Variants in TNKS observed in about 807,000 individuals in gnomAD.
TNKS encodes the protein poly [ADP-ribose] polymerase tankyrase-1.
A neutral mutation model predicts 135.8 loss-of-function variants in TNKS; 72 were observed. That is an observed-to-expected ratio of 0.53 (90% CI 0.44 to 0.64). The LOEUF (loss-of-function observed/expected upper bound fraction) is 0.64. Ranked by LOEUF, TNKS falls within the 30% of genes least tolerant of loss-of-function variation. The pLI is 0.00. For synonymous variants in TNKS, 849 were observed against 649.3 expected (o/e 1.31, Z -4.68); for missense variants, 1,769 against 1,674.0 (o/e 1.06, Z -0.99).
At chr8:9,711,371 G>A (rs2128809539) in intron 11 of TNKS, among the ~76,000 whole-genome samples, 1 of 152,270 alleles carries the variant, frequency 6.6e-6, no homozygotes, top group South Asian at 2.1e-4. Flanking sequence ...TCACTTGTTT[G>A]TTCCCTTTCA....
chr8:9,659,572 A>T (rs1394089793), intron 3 of TNKS, among the ~76,000 whole-genome samples: 1 of 152,178 alleles, frequency 6.6e-6, no homozygotes, highest in Non-Finnish European at 1.5e-5. Context: ...AATCTCTGGG[A>T]CACACTCAAA....
At chr8:9,653,754 C>T (rs544399210) in intron 3 of TNKS, among the ~76,000 whole-genome samples, 3 of 152,140 alleles carry the variant, frequency 2.0e-5, no homozygotes, top group Non-Finnish European at 2.9e-5. Flanking sequence ...AAACCACATC[C>T]AGCCCATAAC....
Position 9,735,361 on chromosome 8 carries a change from T to C in TNKS, c.2534-16T>C. The C allele has an allele frequency of 1.2e-6, 2 of 1,608,392 alleles. No individual in the cohort carries two copies. Among genetic ancestry groups the C allele is most frequent in the South Asian group, 2.2e-5 (2 of 90,720 alleles). The stretch of plus-strand genomic sequence containing the variant: ...TTAAGCTGACACGTTTCCTGTATTT[T>C]TTTTACTCTAAATAGCAGGCTATAA... On this transcript the variant is annotated splice_polypyrimidine_tract_variant and intron_variant, in intron 16 of 26. Transcript: ENST00000310430.
chr8:9,559,864 A>G (rs1444863639), intron 1 of TNKS, among the ~76,000 whole-genome samples: 2 of 152,198 alleles, frequency 1.3e-5, no homozygotes. Flanking sequence ...TGTTTAGAAT[A>G]TGGTTTAGAG....
chr8:9,583,589 A>G (rs549257254), intron 2 of TNKS, among the ~76,000 whole-genome samples: 10 of 151,936 alleles, frequency 6.6e-5, no homozygotes, highest in Non-Finnish European at 1.0e-4. Flanking sequence ...CCTGGGTTCA[A>G]GTGATTCTCC....
At chr8:9,598,347 A>G (rs559931613) in intron 2 of TNKS, among the ~76,000 whole-genome samples, 13 of 152,292 alleles carry the variant, frequency 8.5e-5, no homozygotes, top group Middle Eastern at 3.4e-3. Flanking sequence ...GCGCCCGGCC[A>G]GTAATGATAT....
chr8:9,583,257 A>G (rs913369823), intron 2 of TNKS, among the ~76,000 whole-genome samples: 3 of 152,124 alleles, frequency 2.0e-5, no homozygotes, highest in African/African-American at 7.2e-5. Context: ...AGAAAATTCA[A>G]ACTGAGATTA....
At chr8:9,658,476 G>C in intron 3 of TNKS, 1 of 678,614 alleles carries the variant, frequency 1.5e-6, no homozygotes, top group Non-Finnish European at 2.3e-6. Flanking sequence ...TTCATATCCA[G>C]CCAAACTAAG....
In TNKS at chr8:9,780,491, A is replaced by T. The variant is rs1028932564; in HGVS notation, c.*3755A>T. 10 of 152,246 alleles carry T rather than the reference A, an allele frequency of 6.6e-5. No homozygotes were observed. In the East Asian group the frequency reaches 1.9e-3, roughly 29 times the overall value. The allele number at this position is 152,246 out of a possible 1,614,324, so 9.4% of individuals were successfully genotyped here. A position where few individuals can be genotyped will look rare whatever the true frequency, so the allele number is the denominator to read the frequency against. On this transcript the variant is annotated 3_prime_UTR_variant, in exon 27 of 27. Transcript: ENST00000310430. ...TAATGTCAGATCAGTGACAGAAGTG[A>T]AAAGAAAGTAATTGTGAAAGTGATG... is the stretch of plus-strand genomic sequence containing the variant.
At chr8:9,585,282 A>T (rs1456661187) in intron 2 of TNKS, among the ~76,000 whole-genome samples, 1 of 152,186 alleles carries the variant, frequency 6.6e-6, no homozygotes, top group Non-Finnish European at 1.5e-5. Flanking sequence ...CATGACGAAA[A>T]AGGTAAATAA....
At chr8:9,752,741 GC>G in intron 20 of TNKS, 115 bp downstream of exon 20, 1 of 651,570 alleles carries the variant, frequency 1.5e-6, no homozygotes, top group Non-Finnish European at 2.4e-6. Context: ...GATTGCTTGA[GC>G]CCAGGAGTTT....
intron 5 of TNKS, among the ~76,000 whole-genome samples, chr8:9,697,963 C>A (rs545185766): frequency 3.3e-4 from 50 of 152,018 alleles, no homozygotes; most frequent in Non-Finnish European, 6.5e-4. Flanking sequence ...ATGTTCATTG[C>A]CATGCCATTC....
At chr8:9,590,143 G>C (rs1445355318) in intron 2 of TNKS, among the ~76,000 whole-genome samples, 1 of 152,088 alleles carries the variant, frequency 6.6e-6, no homozygotes, top group African/African-American at 2.4e-5. Context: ...CATAATTCCA[G>C]GTGTACTTAA....
intron 20 of TNKS, 65 bp from the exon 21 acceptor site, chr8:9,761,451 G>A: frequency 1.9e-6 from 3 of 1,550,870 alleles, no homozygotes; most frequent in Non-Finnish European, 2.6e-6. Context: ...GAAGGCAATT[G>A]GAAAAGCTTT....
In TNKS at chr8:9,766,431, C is replaced by T; in HGVS notation, c.3740+6C>T. 6.5e-7 allele frequency: 1 copy of T among 1,544,224 alleles called. No individual in the cohort carries two copies. Among genetic ancestry groups the T allele is most frequent in the South Asian group, 1.3e-5 (1 of 79,156 alleles). On this transcript the variant is annotated splice_donor_region_variant and intron_variant, in intron 25 of 26. Coordinates refer to ENST00000310430, the MANE Select transcript of TNKS (RefSeq NM_003747.3). Reference sequence around the variant, plus strand: ...TCATGCTATATATGTCACAGGTAAGCATCTTGCCATTAGTGTAACGTTTCC... The same window carrying T: ...TCATGCTATATATGTCACAGGTAAGTATCTTGCCATTAGTGTAACGTTTCC...
chr8:9,583,126 C>G (rs1381139234), intron 2 of TNKS, among the ~76,000 whole-genome samples: 1 of 147,436 alleles, frequency 6.8e-6, no homozygotes, highest in Non-Finnish European at 1.5e-5. Context: ...GATTGCACCA[C>G]TGCACTCCAG....
At chr8:9,715,171 A>T (rs1431633556) in intron 11 of TNKS, among the ~76,000 whole-genome samples, 1 of 152,146 alleles carries the variant, frequency 6.6e-6, no homozygotes, top group Non-Finnish European at 1.5e-5. Flanking sequence ...CCGTTTTTAT[A>T]TGAGGGCTTT....
At chr8:9,628,990 T>A (rs1800177571) in intron 3 of TNKS, among the ~76,000 whole-genome samples, 1 of 152,220 alleles carries the variant, frequency 6.6e-6, no homozygotes. Flanking sequence ...TTGTGTTCAG[T>A]TCATCATCCA....
chr8:9,610,152 C>T (rs973728203), intron 2 of TNKS, among the ~76,000 whole-genome samples: 32 of 148,098 alleles, frequency 2.2e-4, no homozygotes, highest in African/African-American at 4.8e-4. Flanking sequence ...CTACTGCGCC[C>T]GGCCTTGAAT....
Sources: gnomAD v4.1 joint callset for allele counts (sites outside exome capture counted in the v4.1 genomes callset) on GRCh38, gnomAD v4.1.1 for gene constraint, MANE v1.5 for transcripts, NCBI Gene and HGNC (gene_info 2026-07-23, HGNC 2026-07-21) for gene names.